GADL1: variants seen among roughly 807,000 people sequenced by gnomAD.
The protein encoded by GADL1 is acidic amino acid decarboxylase GADL1.
In GADL1, 71 loss-of-function variants were observed where a neutral mutation model predicts 69.5. That is an observed-to-expected ratio of 1.02 (90% CI 0.84 to 1.25). GADL1 has a LOEUF of 1.25. Among genes scored for constraint, GADL1 ranks in the 50% most tolerant of loss-of-function variants. The pLI is 0.00. For synonymous variants in GADL1, 254 were observed against 214.4 expected (o/e 1.18, Z -1.62); for missense variants, 737 against 631.8 (o/e 1.17, Z -1.79).
At chr3:30,785,948 C>CTA (rs1220772967) in intron 13 of GADL1, among the ~76,000 whole-genome samples, 1 of 152,138 alleles carries the variant, frequency 6.6e-6, no homozygotes, top group Non-Finnish European at 1.5e-5. Flanking sequence ...TGCTCCAAAG[C>CTA]TAATATGCTC....
At chr3:30,881,204 A>G (rs995264588) in intron 1 of GADL1, among the ~76,000 whole-genome samples, 9 of 152,072 alleles carry the variant, frequency 5.9e-5, no homozygotes, top group South Asian at 2.1e-4. Flanking sequence ...GCTTGTATAC[A>G]TTTACATAAA....
chr3:30,742,966 C>A (rs1331993281), intron 14 of GADL1, among the ~76,000 whole-genome samples: 5 of 151,246 alleles, frequency 3.3e-5, no homozygotes, highest in Non-Finnish European at 7.4e-5. Flanking sequence ...TGACATTCTG[C>A]TGAATGGAGC....
At chr3:30,807,323 A>G (rs1208848896) in intron 11 of GADL1, among the ~76,000 whole-genome samples, 1 of 152,060 alleles carries the variant, frequency 6.6e-6, no homozygotes, top group African/African-American at 2.4e-5. Flanking sequence ...ACATATTACA[A>G]CCCTCACCCA....
At chr3:30,781,421 TA>T (rs1696662783) in intron 13 of GADL1, among the ~76,000 whole-genome samples, 1 of 152,166 alleles carries the variant, frequency 6.6e-6, no homozygotes, top group Admixed American at 6.5e-5. Context: ...ATCAGAATAA[TA>T]GGTAACAAAA....
chr3:30,808,984 C>T (rs7647613), intron 11 of GADL1, among the ~76,000 whole-genome samples: 12,677 of 152,166 alleles, frequency 0.083, 1,204 homozygotes, highest in African/African-American at 0.23. Context: ...AGTGACTAAA[C>T]GGTGGTGGAG....
At chr3:30,735,476 T>C (rs1196659897) in intron 14 of GADL1, among the ~76,000 whole-genome samples, 2 of 152,174 alleles carry the variant, frequency 1.3e-5, no homozygotes, top group East Asian at 1.9e-4. Flanking sequence ...GGGAATAAAC[T>C]ACCAACACAA....
Position 30,839,754 on chromosome 3 carries a change from G to T in GADL1, c.787-641C>A, listed in dbSNP as rs1040260276. ...GAAAATCTGTGTCACTTCTATCATGGTTATTCCTCCTCATATAGCTGATGA... is the reference window on the plus strand; with the variant it reads ...GAAAATCTGTGTCACTTCTATCATGTTTATTCCTCCTCATATAGCTGATGA... On this transcript the variant is annotated intron_variant, in intron 8 of 14. Transcript: ENST00000282538. Among the ~76,000 whole-genome samples, 19 of 152,236 alleles carry T rather than the reference G, an allele frequency of 1.2e-4. No homozygotes were observed. In the East Asian group the frequency reaches 3.7e-3, roughly 29 times the overall value.
At chr3:30,829,328 A>AT (rs1196788633) in intron 11 of GADL1, among the ~76,000 whole-genome samples, 2 of 151,892 alleles carry the variant, frequency 1.3e-5, no homozygotes, top group Non-Finnish European at 2.9e-5. Flanking sequence ...AACACAGGAA[A>AT]TTAAAAATGC....
intron 12 of GADL1, among the ~76,000 whole-genome samples, chr3:30,794,914 T>C (rs1181875362): frequency 6.6e-6 from 1 of 152,190 alleles, no homozygotes; most frequent in Non-Finnish European, 1.5e-5. Flanking sequence ...ACATTATTTC[T>C]ATGGAATCAG....
intron 14 of GADL1, among the ~76,000 whole-genome samples, chr3:30,743,253 A>G (rs1212358070): frequency 2.6e-5 from 4 of 152,174 alleles, no homozygotes; most frequent in Non-Finnish European, 5.9e-5. Flanking sequence ...CTTCAAGCTC[A>G]CAGAAGGGTT....
intron 11 of GADL1, among the ~76,000 whole-genome samples, chr3:30,828,553 C>G (rs576273203): frequency 2.6e-5 from 4 of 151,778 alleles, no homozygotes; most frequent in Admixed American, 2.6e-4. Flanking sequence ...AAAAGCATTG[C>G]AAGCTTATCT....
chr3:30,734,571 C>T (rs1300117282), intron 14 of GADL1, among the ~76,000 whole-genome samples: 1 of 152,070 alleles, frequency 6.6e-6, no homozygotes, highest in African/African-American at 2.4e-5. Context: ...ATCGTCCAAA[C>T]ATATGATAGT....
chr3:30,748,837 CAATT>C, intron 14 of GADL1, among the ~76,000 whole-genome samples: 1 of 152,256 alleles, frequency 6.6e-6, no homozygotes, highest in Non-Finnish European at 1.5e-5. Context: ...ACTGTGTCCT[CAATT>C]TATTTATTTA....
chr3:30,770,635 AC>A (rs1174317976), intron 14 of GADL1, among the ~76,000 whole-genome samples: 1 of 152,086 alleles, frequency 6.6e-6, no homozygotes, highest in African/African-American at 2.4e-5. Context: ...ATTCCTGAGA[AC>A]TGGTCTCATC....
intron 14 of GADL1, among the ~76,000 whole-genome samples, chr3:30,751,330 G>T (rs530463340): frequency 6.6e-6 from 1 of 152,034 alleles, no homozygotes; most frequent in African/African-American, 2.4e-5. Context: ...GTGGTAAGGA[G>T]ACTCTTGAGC....
At chr3:30,833,753 C>T (rs942278177) in intron 11 of GADL1, 100 bp downstream of exon 11, 10 of 761,300 alleles carry the variant, frequency 1.3e-5, no homozygotes, top group Non-Finnish European at 1.6e-5. Flanking sequence ...TCAATTTACG[C>T]CTCGCCCAAG....
chr3:30,839,165 T>C, intron 8 of GADL1, 52 bp from the exon 9 acceptor site: 2 of 1,207,850 alleles, frequency 1.7e-6, no homozygotes, highest in Non-Finnish European at 1.1e-6. Context: ...ACTAAATTTG[T>C]CCTGTAATAG....
intron 14 of GADL1, among the ~76,000 whole-genome samples, chr3:30,744,646 T>C (rs978724773): frequency 1.3e-5 from 2 of 151,946 alleles, no homozygotes; most frequent in Non-Finnish European, 2.9e-5. Flanking sequence ...CCCAGGAGTT[T>C]GAGGCTGCAA....
intron 11 of GADL1, among the ~76,000 whole-genome samples, chr3:30,819,942 TTC>T (rs1265688441): frequency 2.6e-5 from 4 of 152,004 alleles, no homozygotes; most frequent in African/African-American, 9.7e-5. Flanking sequence ...ACCCCAAAAT[TTC>T]TGAGCAAGAG....
Sources: gnomAD v4.1 joint callset for allele counts (sites outside exome capture counted in the v4.1 genomes callset) on GRCh38, gnomAD v4.1.1 for gene constraint, MANE v1.5 for transcripts, NCBI Gene and HGNC (gene_info 2026-07-23, HGNC 2026-07-21) for gene names.